The following LRFN2 variants were observed in gnomAD, a reference collection of about 807,000 sequenced individuals.
LRFN2 encodes leucine-rich repeat and fibronectin type-III domain-containing protein 2.
In LRFN2, 18 loss-of-function variants were observed where a neutral mutation model predicts 37.3. The ratio of observed to expected loss-of-function variants is 0.48; its 90% CI spans 0.33 to 0.72. The LOEUF (loss-of-function observed/expected upper bound fraction) is 0.72. Among genes scored for constraint, LRFN2 ranks in the 30% least tolerant of loss-of-function variants. The probability of loss-of-function intolerance (pLI) is 0.02; values close to 1 mark genes in which losing one functional copy is unlikely to be tolerated. For missense variants in LRFN2, 1,006 were observed against 1,060.7 expected (o/e 0.95, Z 0.72); for synonymous variants, 556 against 466.6 (o/e 1.19, Z -2.47).
chr6:40,461,511 G>T (rs1261222988), intron 1 of LRFN2, among the ~76,000 whole-genome samples: 1 of 151,606 alleles, frequency 6.6e-6, no homozygotes, highest in Non-Finnish European at 1.5e-5. Context: ...AATTTTTTGA[G>T]CCAGGCACAG....
intron 1 of LRFN2, among the ~76,000 whole-genome samples, chr6:40,486,410 C>T (rs1267117524): frequency 3.3e-5 from 5 of 152,112 alleles, no homozygotes; most frequent in Non-Finnish European, 5.9e-5. Context: ...AAGGCGGGAC[C>T]CCTGAGCCCT....
chr6:40,564,479 C>G (rs1767053608), intron 1 of LRFN2, among the ~76,000 whole-genome samples: 2 of 152,204 alleles, frequency 1.3e-5, no homozygotes, highest in Admixed American at 6.5e-5. Context: ...CCTTCACATT[C>G]ACAGCTCCCC....
intron 1 of LRFN2, among the ~76,000 whole-genome samples, chr6:40,445,754 G>A (rs917698743): frequency 1.3e-5 from 2 of 152,192 alleles, no homozygotes; most frequent in African/African-American, 2.4e-5. Context: ...CAGCCACTTT[G>A]TAGGACTAAG....
At chr6:40,403,884 C>T (rs935205177) in intron 2 of LRFN2, among the ~76,000 whole-genome samples, 1 of 152,166 alleles carries the variant, frequency 6.6e-6, no homozygotes, top group Non-Finnish European at 1.5e-5. Context: ...GACAATCTGC[C>T]CCTCACCTCT....
In LRFN2 at chr6:40,413,924, T is replaced by C. The variant is rs1301060324; in HGVS notation, c.1400+17790A>G. 3.9e-5 allele frequency among the ~76,000 whole-genome samples: 6 copies of C among 152,020 alleles called. No homozygotes were observed. In the East Asian group the frequency reaches 5.8e-4, roughly 15 times the overall value. On this transcript the variant is annotated intron_variant, in intron 2 of 2. Coordinates refer to ENST00000338305, the MANE Select transcript of LRFN2 (RefSeq NM_020737.3). ...TGCCAGTAGGCTGATGGTTCCGGGG[T>C]TGTTAGTAGATTGGGCGACCAGGAA...
chr6:40,392,663 G>A lies in LRFN2; in HGVS notation c.1650C>T (p.Ile550=), dbSNP rs761297425. 4.2e-5 allele frequency: 68 copies of A among 1,613,432 alleles called. No homozygotes were observed. The highest frequency in any genetic ancestry group is 3.3e-4 in the Middle Eastern group (2 of 6,084). The change falls in exon 3 of 3, where the codon ATC becomes ATT. Residue 550 remains isoleucine, a synonymous_variant. Transcript: ENST00000338305. The surrounding 1 kb of genome is among the most constrained non-coding windows in gnomAD (Gnocchi z 4.7). The part of the protein sequence containing the change: ...GIIVATLLVF[I]VILMVRYKVC... ...CCTTGTAGCGCACCATGAGGATGAC[G>A]ATGAAGACCAGCAGCGTGGCCACGA...
chr6:40,477,336 G>A (rs891806561), intron 1 of LRFN2, among the ~76,000 whole-genome samples: 2 of 152,160 alleles, frequency 1.3e-5, no homozygotes, highest in Non-Finnish European at 2.9e-5. Context: ...CTGGGAAGAG[G>A]TCATGGCTCC....
intron 1 of LRFN2, among the ~76,000 whole-genome samples, chr6:40,473,260 C>T (rs1764642391): frequency 1.3e-5 from 2 of 152,236 alleles, no homozygotes; most frequent in South Asian, 4.1e-4. Flanking sequence ...TCTCAGGTAG[C>T]ATCCTGCCTC....
chr6:40,488,429 T>C (rs887386580), intron 1 of LRFN2, among the ~76,000 whole-genome samples: 1 of 151,648 alleles, frequency 6.6e-6, no homozygotes, highest in African/African-American at 2.4e-5. Flanking sequence ...AGTGATCCTG[T>C]CCTCTGCTGA....
intron 1 of LRFN2, among the ~76,000 whole-genome samples, chr6:40,461,266 G>A (rs1490949080): frequency 1.3e-5 from 2 of 151,858 alleles, no homozygotes; most frequent in Non-Finnish European, 2.9e-5. Flanking sequence ...AACATTAGTC[G>A]GGCATGGTAG....
chr6:40,474,170 C>T (rs931145149), intron 1 of LRFN2, among the ~76,000 whole-genome samples: 1 of 152,104 alleles, frequency 6.6e-6, no homozygotes. Flanking sequence ...GCTTCCATAA[C>T]AAATAGCCAT....
intron 2 of LRFN2, among the ~76,000 whole-genome samples, chr6:40,407,562 T>G (rs1414615113): frequency 6.6e-6 from 1 of 152,350 alleles, no homozygotes; most frequent in Admixed American, 6.5e-5. Flanking sequence ...CTACTTGTCA[T>G]TTATCTCCTG....
chr6:40,507,131 G>A (rs927730952), intron 1 of LRFN2, among the ~76,000 whole-genome samples: 4 of 152,184 alleles, frequency 2.6e-5, no homozygotes, highest in Non-Finnish European at 5.9e-5. Flanking sequence ...TCAGGATCCT[G>A]GGGATGGATG....
At chr6:40,483,894 T>C (rs1269672105) in intron 1 of LRFN2, among the ~76,000 whole-genome samples, 1 of 152,100 alleles carries the variant, frequency 6.6e-6, no homozygotes, top group Non-Finnish European at 1.5e-5. Context: ...TCACACACAG[T>C]CTCCTGCCCA....
Position 40,515,083 on chromosome 6 carries a change from T to A in LRFN2, c.-19+71858A>T, listed in dbSNP as rs186220705. 2.9e-3 allele frequency among the ~76,000 whole-genome samples: 435 copies of A among 152,336 alleles called. 1 individual carries two copies. The highest frequency in any genetic ancestry group is 5.0e-3 in the Non-Finnish European group (341 of 68,032). On this transcript the variant is annotated intron_variant, in intron 1 of 2. Coordinates refer to ENST00000338305, the MANE Select transcript of LRFN2 (RefSeq NM_020737.3). ...AACAGTGGATAATCTAAAAGCCATT[T>A]ATTTTTGGCATGCTTTAGTGAGTTT... is the stretch of plus-strand genomic sequence containing the variant.
At chr6:40,505,165 TA>T (rs1765500160) in intron 1 of LRFN2, among the ~76,000 whole-genome samples, 1 of 152,188 alleles carries the variant, frequency 6.6e-6, no homozygotes. Context: ...TGATTGTTTA[TA>T]ACCTGTCAGT....
intron 1 of LRFN2, among the ~76,000 whole-genome samples, chr6:40,495,896 AC>A (rs1765214159): frequency 6.6e-6 from 1 of 151,590 alleles, no homozygotes; most frequent in Non-Finnish European, 1.5e-5. Flanking sequence ...TTTCCTCCAA[AC>A]CCCACTGAAA....
intron 1 of LRFN2, among the ~76,000 whole-genome samples, chr6:40,449,262 C>A (rs1480771894): frequency 6.6e-6 from 1 of 152,184 alleles, no homozygotes; most frequent in Non-Finnish European, 1.5e-5. Flanking sequence ...TCAAAACATT[C>A]CTTTGTACCC....
chr6:40,548,962 G>A (rs1178672845), intron 1 of LRFN2, among the ~76,000 whole-genome samples: 1 of 152,206 alleles, frequency 6.6e-6, no homozygotes, highest in Non-Finnish European at 1.5e-5. Flanking sequence ...TTAAAAGTTA[G>A]ATCAAACTGG....
Sources: gnomAD v4.1 joint callset for allele counts (sites outside exome capture counted in the v4.1 genomes callset) on GRCh38, gnomAD v4.1.1 for gene constraint, Gnocchi (gnomAD v3.1) non-coding constraint, MANE v1.5 for transcripts, NCBI Gene and HGNC (gene_info 2026-07-23, HGNC 2026-07-21) for gene names.